MCF2L: variants seen among roughly 807,000 people sequenced by gnomAD.
MCF2L encodes guanine nucleotide exchange factor DBS.
A neutral mutation model predicts 153.4 loss-of-function variants in MCF2L; 97 were observed. That is an observed-to-expected ratio of 0.63 (90% CI 0.54 to 0.75). The LOEUF (loss-of-function observed/expected upper bound fraction) is 0.75. Among genes scored for constraint, MCF2L ranks in the 30% least tolerant of loss-of-function variants. The pLI is 0.00. For synonymous variants in MCF2L, 659 were observed against 632.2 expected (o/e 1.04, Z -0.64); for missense variants, 1,347 against 1,495.2 (o/e 0.90, Z 1.64).
In MCF2L at chr13:113,078,344, C is replaced by T; in HGVS notation, c.1661-19C>T. 6.2e-7 allele frequency: 1 copy of T among 1,605,714 alleles called. No homozygotes were observed. Among genetic ancestry groups the T allele is most frequent in the Non-Finnish European group, 8.5e-7 (1 of 1,173,132 alleles). ...GGGTCAGAGGGGACTTCATGCCCCG[C>T]TCCCCTTCTTCCCAACAGGCATTCG... On this transcript the variant is annotated intron_variant, in intron 13 of 29. Coordinates refer to ENST00000535094, the MANE Select transcript of MCF2L (RefSeq NM_001112732.3).
At chr13:112,961,729 A>G (rs1241536727) in intron 2 of MCF2L, among the ~76,000 whole-genome samples, 1 of 152,132 alleles carries the variant, frequency 6.6e-6, no homozygotes, top group African/African-American at 2.4e-5. Context: ...ACCCTCAGTG[A>G]GCCCCTCTGT....
At chr13:112,949,267 C>T (rs900175439) in intron 2 of MCF2L, among the ~76,000 whole-genome samples, 1 of 152,298 alleles carries the variant, frequency 6.6e-6, no homozygotes, top group Middle Eastern at 3.4e-3. Context: ...AATAAAGAAA[C>T]ATTCAGGCCC....
intron 1 of MCF2L, chr13:113,001,218 T>C (rs1029307358): frequency 6.6e-6 from 1 of 152,128 alleles, no homozygotes; most frequent in Non-Finnish European, 1.5e-5. Flanking sequence ...CTGCCTTCTG[T>C]GTTCTCGGTG....
chr13:112,938,813 C>A (rs1436107103), intron 2 of MCF2L, among the ~76,000 whole-genome samples: 2 of 152,168 alleles, frequency 1.3e-5, no homozygotes, highest in Non-Finnish European at 2.9e-5. Context: ...GAGGCAGACG[C>A]TGTGGCCAGG....
intron 27 of MCF2L, chr13:113,096,114 T>C: frequency 3.5e-6 from 2 of 572,176 alleles, no homozygotes; most frequent in Non-Finnish European, 6.2e-6. Flanking sequence ...GGCCGAGAGC[T>C]GTGTGTGGAG....
At chr13:112,963,016 G>A (rs1479453957) in intron 2 of MCF2L, among the ~76,000 whole-genome samples, 2 of 152,286 alleles carry the variant, frequency 1.3e-5, no homozygotes, top group African/African-American at 2.4e-5. Context: ...GGTCCCGTGG[G>A]TGAGAACCTG....
At chr13:112,918,587 G>T (rs907418954) in intron 2 of MCF2L, among the ~76,000 whole-genome samples, 2 of 152,186 alleles carry the variant, frequency 1.3e-5, no homozygotes, top group African/African-American at 2.4e-5. Context: ...GGATGCAGGG[G>T]CGTGGGGTGG....
intron 2 of MCF2L, among the ~76,000 whole-genome samples, chr13:112,947,954 G>GTGTGCC (rs1043549866): frequency 4.6e-5 from 7 of 152,230 alleles, no homozygotes; most frequent in Non-Finnish European, 8.8e-5. Flanking sequence ...CTTGCACTCT[G>GTGTGCC]TGTGCCTGCA....
chr13:112,895,787 C>T (rs990590449), intron 1 of MCF2L, among the ~76,000 whole-genome samples: 1 of 152,072 alleles, frequency 6.6e-6, no homozygotes, highest in Non-Finnish European at 1.5e-5. Flanking sequence ...GGGCCGGCTC[C>T]GCCCTCCCAG....
Position 112,932,898 on chromosome 13 carries a change from A to C in MCF2L, c.169+30527A>C, listed in dbSNP as rs1359795406. Among the ~76,000 whole-genome samples, 2 of 151,964 alleles carry C rather than the reference A, an allele frequency of 1.3e-5. No individual in the cohort carries two copies. Among genetic ancestry groups the C allele is most frequent in the Admixed American group, 1.3e-4 (2 of 15,264 alleles). On this transcript the variant is annotated intron_variant, in intron 2 of 29. Transcript: ENST00000375608. The surrounding 1 kb of genome is among the most constrained non-coding windows in gnomAD (Gnocchi z 4.6). Reference sequence around the variant, plus strand: ...ATACAAAAATTAGCCTGGTGTGGTGACACACACCTGTAATCCCAGCTACCC... The same window carrying C: ...ATACAAAAATTAGCCTGGTGTGGTGCCACACACCTGTAATCCCAGCTACCC...
chr13:113,090,680 G>A (rs1844271787), intron 26 of MCF2L: 31 of 985,346 alleles, frequency 3.1e-5, no homozygotes, highest in Non-Finnish European at 3.6e-5. Flanking sequence ...CCTGGAAGCC[G>A]GCCCTGGCGT....
chr13:112,896,252 G>T (rs1481250481), intron 1 of MCF2L, among the ~76,000 whole-genome samples: 1 of 152,096 alleles, frequency 6.6e-6, no homozygotes, highest in Non-Finnish European at 1.5e-5. Context: ...TCCTTCTCTG[G>T]AATTCAGGTC....
intron 5 of MCF2L, among the ~76,000 whole-genome samples, chr13:113,061,050 C>T (rs1418507441): frequency 3.9e-5 from 6 of 152,226 alleles, no homozygotes; most frequent in Admixed American, 6.5e-5. Flanking sequence ...GCTGAGAGTC[C>T]GCCTGGCCCA....
chr13:113,009,402 C>T (rs1183373666), intron 1 of MCF2L: 2 of 152,236 alleles, frequency 1.3e-5, no homozygotes, highest in Non-Finnish European at 1.5e-5. Flanking sequence ...GCAAATGGCT[C>T]GTTAAACATA....
At chr13:112,901,951 A>G (rs1402751930) in intron 1 of MCF2L, among the ~76,000 whole-genome samples, 1 of 152,240 alleles carries the variant, frequency 6.6e-6, no homozygotes, top group Non-Finnish European at 1.5e-5. Flanking sequence ...AGAAGTTGAT[A>G]ATATGTTTTG....
chr13:112,987,311 C>CATGCAACCCCCGGTGGGGGGCAGGG (rs11268184), intron 1 of MCF2L, among the ~76,000 whole-genome samples: 2 of 151,716 alleles, frequency 1.3e-5, no homozygotes, highest in Non-Finnish European at 2.9e-5. Flanking sequence ...GCCTGGAGCA[C>CATGCAACCCCCGGTGGGGGGCAGGG]ACCTTGTGGA....
intron 4 of MCF2L, among the ~76,000 whole-genome samples, chr13:113,055,382 CCACACA>C (rs59884971): frequency 0.014 from 219 of 15,128 alleles, 3 homozygotes; most frequent in Non-Finnish European, 0.019. Flanking sequence ...CCCCCCCCCG[CCACACA>C]CACACACACA....
upstream of MCF2L, chr13:112,968,794 C>G (rs1190215035): frequency 3.7e-6 from 5 of 1,342,734 alleles, no homozygotes; most frequent in South Asian, 1.8e-5. Flanking sequence ...CGCGGCTGCC[C>G]GCAAACCAGG....
At position 112,902,322 on chromosome 13, in the gene MCF2L, C is replaced by T. The variant is rs772468733; in HGVS notation, c.120C>T (p.Asp40=). Residue 40 remains aspartate (D), a synonymous_variant, in exon 2 of 30, where the codon GAC becomes GAT. Transcript: ENST00000375608. ...CGGATCACCAAATTGATGTGTCTGACGTCATCAGGCTTGTTCAAGACACAC... is the reference window on the plus strand; with the variant it reads ...CGGATCACCAAATTGATGTGTCTGATGTCATCAGGCTTGTTCAAGACACAC... 24 of 1,612,792 alleles carry T rather than the reference C, an allele frequency of 1.5e-5. No individual in the cohort carries two copies. In the East Asian group the frequency reaches 2.4e-4, roughly 16 times the overall value.
Sources: gnomAD v4.1 joint callset for allele counts (sites outside exome capture counted in the v4.1 genomes callset) on GRCh38, gnomAD v4.1.1 for gene constraint, Gnocchi (gnomAD v3.1) non-coding constraint, MANE v1.5 for transcripts, NCBI Gene and HGNC (gene_info 2026-07-23, HGNC 2026-07-21) for gene names.